Variants in CSMD1 observed in about 807,000 individuals in gnomAD.
CSMD1 encodes the protein CUB and Sushi multiple domains 1, also known as CUB and sushi domain-containing protein 1.
A neutral mutation model predicts 417.5 loss-of-function variants in CSMD1; 213 were observed. The ratio of observed to expected loss-of-function variants is 0.51; its 90% CI spans 0.46 to 0.57. The LOEUF is 0.57. CSMD1 is among the 20% of genes least tolerant of loss of function. The pLI, the probability that CSMD1 is intolerant of heterozygous loss-of-function variation, is 0.00. For missense variants in CSMD1, 6,923 were observed against 4,529.7 expected (o/e 1.53, Z -15.17); for synonymous variants, 2,862 against 1,736.8 (o/e 1.65, Z -16.11).
At chr8:4,032,500 G>A (rs937241523) in intron 3 of CSMD1, among the ~76,000 whole-genome samples, 5 of 152,128 alleles carry the variant, frequency 3.3e-5, no homozygotes, top group African/African-American at 7.2e-5. Flanking sequence ...AAGAAATACT[G>A]CAAGAGTGAA....
chr8:4,785,686 A>G (rs1797366319), intron 1 of CSMD1, among the ~76,000 whole-genome samples: 1 of 152,124 alleles, frequency 6.6e-6, no homozygotes, highest in South Asian at 2.1e-4. Flanking sequence ...CAAAATGAAG[A>G]AAGGAGAAAG....
chr8:3,367,721 C>T (rs767822042), intron 19 of CSMD1, among the ~76,000 whole-genome samples: 1 of 151,986 alleles, frequency 6.6e-6, no homozygotes, highest in Non-Finnish European at 1.5e-5. Flanking sequence ...ATGATGTGGA[C>T]ATCAATATTG....
At chr8:3,127,142 T>C (rs978034624) in intron 41 of CSMD1, among the ~76,000 whole-genome samples, 1 of 152,184 alleles carries the variant, frequency 6.6e-6, no homozygotes, top group African/African-American at 2.4e-5. Context: ...AGGGGAATCT[T>C]AGCCTTTTCT....
At chr8:2,976,386 T>C (rs1280069108) in intron 55 of CSMD1, among the ~76,000 whole-genome samples, 1 of 152,176 alleles carries the variant, frequency 6.6e-6, no homozygotes, top group Non-Finnish European at 1.5e-5. Context: ...TTTTTAGAGA[T>C]GGGGATTTGT....
intron 5 of CSMD1, among the ~76,000 whole-genome samples, chr8:3,888,563 C>T (rs540815054): frequency 6.6e-6 from 1 of 152,150 alleles, no homozygotes; most frequent in Non-Finnish European, 1.5e-5. Context: ...CAAGTACCAG[C>T]TGGAGAAAGC....
At chr8:3,483,863 C>G (rs927373940) in intron 11 of CSMD1, among the ~76,000 whole-genome samples, 9 of 152,080 alleles carry the variant, frequency 5.9e-5, no homozygotes, top group African/African-American at 9.7e-5. Context: ...ATGTCATCCA[C>G]CATTAGAAGA....
chr8:4,382,068 C>A (rs568618509), intron 3 of CSMD1, among the ~76,000 whole-genome samples: 1 of 152,150 alleles, frequency 6.6e-6, no homozygotes, highest in African/African-American at 2.4e-5. Context: ...GGACTCTCAG[C>A]CATGACTTTC....
At position 3,851,991 on chromosome 8, in the gene CSMD1, C is replaced by A. The variant is rs370642089; in HGVS notation, c.819-97949G>T. Among the ~76,000 whole-genome samples, 314 of 152,130 alleles carry A rather than the reference C, an allele frequency of 2.1e-3. 2 individuals carry two copies. The highest frequency in any genetic ancestry group is 7.3e-3 in the African/African-American group (304 of 41,474). ...AGAGAATAATTCATAAAACTGAGAG[C>A]ATGGAGGGGCTGCAATCACCGGTGA... On this transcript the variant is annotated intron_variant, in intron 5 of 69. Coordinates refer to ENST00000635120, the MANE Select transcript of CSMD1 (RefSeq NM_033225.6).
chr8:4,860,230 G>T (rs1247207180), intron 1 of CSMD1, among the ~76,000 whole-genome samples: 1 of 128,170 alleles, frequency 7.8e-6, no homozygotes, highest in Non-Finnish European at 1.6e-5. Flanking sequence ...ATGGACACAG[G>T]AAGGGGAATA....
chr8:3,682,254 A>C (rs767730343), intron 7 of CSMD1, among the ~76,000 whole-genome samples: 2 of 152,224 alleles, frequency 1.3e-5, no homozygotes, highest in African/African-American at 4.8e-5. Context: ...GTGAACAGGC[A>C]ACCTAAAAAA....
Position 4,221,397 on chromosome 8 carries a change from C to T in CSMD1, c.416-189298G>A, listed in dbSNP as rs1358442503. 2.7e-5 allele frequency among the ~76,000 whole-genome samples: 4 copies of T among 148,302 alleles called. No homozygotes were observed. In the South Asian group the frequency reaches 8.5e-4, roughly 31 times the overall value. ...AAGTGAGAAAAAAAAAAAAAAACAA[C>T]ACATTGACAGCAGCAAAACTTGAGA... On this transcript the variant is annotated intron_variant, in intron 3 of 69. Coordinates refer to ENST00000635120, the MANE Select transcript of CSMD1 (RefSeq NM_033225.6).
chr8:3,311,848 C>A (rs1287488970), intron 23 of CSMD1, among the ~76,000 whole-genome samples: 1 of 152,110 alleles, frequency 6.6e-6, no homozygotes, highest in Non-Finnish European at 1.5e-5. Flanking sequence ...GTGGGACTTA[C>A]AAATTGTTTC....
At chr8:4,746,059 T>C (rs925122685) in intron 1 of CSMD1, among the ~76,000 whole-genome samples, 2 of 152,244 alleles carry the variant, frequency 1.3e-5, no homozygotes, top group African/African-American at 4.8e-5. Context: ...AAGATAATTT[T>C]TGTTACTGTC....
chr8:4,114,253 G>A (rs981527855), intron 3 of CSMD1, among the ~76,000 whole-genome samples: 2 of 152,164 alleles, frequency 1.3e-5, no homozygotes, highest in East Asian at 1.9e-4. Flanking sequence ...AAATCCTAGG[G>A]CTCTTAAGAA....
intron 3 of CSMD1, among the ~76,000 whole-genome samples, chr8:4,306,766 G>C (rs549366419): frequency 2.6e-5 from 4 of 152,126 alleles, no homozygotes; most frequent in African/African-American, 9.6e-5. Flanking sequence ...GTTCTGGTGC[G>C]AGTCCACAGA....
At chr8:3,668,506 G>A (rs1374342155) in intron 7 of CSMD1, among the ~76,000 whole-genome samples, 7 of 152,194 alleles carry the variant, frequency 4.6e-5, no homozygotes, top group Admixed American at 2.0e-4. Context: ...GAGAGAGTTT[G>A]TCTGACTGGG....
At chr8:4,905,464 G>C (rs989082052) in intron 1 of CSMD1, among the ~76,000 whole-genome samples, 3 of 151,970 alleles carry the variant, frequency 2.0e-5, no homozygotes, top group African/African-American at 7.3e-5. Context: ...TTCTGCTTTA[G>C]GCATTCTAAA....
chr8:3,459,144 C>T (rs1348587798), intron 12 of CSMD1, among the ~76,000 whole-genome samples: 1 of 152,234 alleles, frequency 6.6e-6, no homozygotes, highest in Non-Finnish European at 1.5e-5. Context: ...CACCCTGTGG[C>T]TCTTGAGAGG....
chr8:3,944,722 A>G (rs1240487384), intron 5 of CSMD1, among the ~76,000 whole-genome samples: 1 of 152,270 alleles, frequency 6.6e-6, no homozygotes, highest in South Asian at 2.1e-4. Context: ...TCTCTTGACA[A>G]TATTTCAAAA....
Sources: allele counts gnomAD v4.1 joint callset (sites outside exome capture counted in the v4.1 genomes callset), GRCh38; gene constraint gnomAD v4.1.1; transcripts MANE v1.5; gene names NCBI Gene and HGNC (gene_info 2026-07-23, HGNC 2026-07-21).